CCNH: variants seen among roughly 807,000 people sequenced by gnomAD.
CCNH encodes cyclin H, also known as cyclin-H.
In CCNH, 31 loss-of-function variants were observed where a neutral mutation model predicts 41.9. That is an observed-to-expected ratio of 0.74 (90% CI 0.56 to 1.00). The LOEUF (loss-of-function observed/expected upper bound fraction) is 1.00, where lower values mean the gene tolerates loss of function less well. Among genes scored for constraint, CCNH ranks in the 50% least tolerant of loss-of-function variants. The pLI, the probability that CCNH is intolerant of heterozygous loss-of-function variation, is 0.00. For synonymous variants in CCNH, 138 were observed against 136.1 expected, an observed-to-expected ratio of 1.01 and a Z score of -0.10; for missense variants, 362 against 388.4, an observed-to-expected ratio of 0.93 and a Z score of 0.57.
intron 9 of CCNH, among the ~76,000 whole-genome samples, chr5:87,384,148 C>G (rs373717985): frequency 6.6e-6 from 1 of 152,118 alleles, no homozygotes; most frequent in African/African-American, 2.4e-5. Context: ...GCTAGATCTT[C>G]AAGATCAAAT....
chr5:87,389,161 A>T, downstream of CCNH: 2 of 426,090 alleles, frequency 4.7e-6, no homozygotes. Context: ...ACAGAGAAAG[A>T]TTTGTATTTG....
At chr5:87,346,630 A>T in intron 9 of CCNH, 1 of 1,328,292 alleles carries the variant, frequency 7.5e-7, no homozygotes, top group South Asian at 1.2e-5. Context: ...GATAACAGCA[A>T]AAAGGACTTT....
downstream of CCNH, chr5:87,386,812 AT>A: frequency 6.2e-7 from 1 of 1,609,318 alleles, no homozygotes; most frequent in Non-Finnish European, 8.5e-7. Context: ...TAACAGAAGC[AT>A]TTTATTTTTC....
At position 87,395,068 on chromosome 5, in the gene CCNH, G is replaced by T; in HGVS notation, c.909C>A (p.Val303=). ...KRKGYEDDDY[V]SKKSKHEEEE... ...CCTCCTCATGTTTGGATTTCTTTGA[G>T]ACGTAATCATCATCTTCATAGCCTT... is the stretch of plus-strand genomic sequence containing the variant. Residue 303 remains valine (V), a synonymous_variant, in exon 8 of 9, where the codon GTC becomes GTA. Transcript: ENST00000256897. 1 of 1,611,568 alleles carries T rather than the reference G, an allele frequency of 6.2e-7. No homozygotes were observed. Among genetic ancestry groups the T allele is most frequent in the Admixed American group, 1.7e-5 (1 of 59,988 alleles).
chr5:87,352,363 T>G (rs1351685183), intron 9 of CCNH, among the ~76,000 whole-genome samples: 1 of 151,596 alleles, frequency 6.6e-6, no homozygotes, highest in Non-Finnish European at 1.5e-5. Flanking sequence ...ACAAAATCTG[T>G]CTGGAGAAGT....
Position 87,358,138 on chromosome 5 carries a change from C to A in CCNH, c.*90+34632G>T, listed in dbSNP as rs560520245. On this transcript the variant is annotated intron_variant and NMD_transcript_variant, in intron 9 of 9. Transcript: ENST00000645953. ...TTCCAATGAGGTGACCCTGTGTACC[C>A]ACACTCAGGCTAAGATGCTGGCAAA... is the stretch of plus-strand genomic sequence containing the variant. Among the ~76,000 whole-genome samples the A allele has an allele frequency of 2.6e-5, 4 of 152,196 alleles. No individual in the cohort carries two copies. The Middle Eastern group carries it at 0.01, about 388-fold the overall frequency.
downstream of CCNH, among the ~76,000 whole-genome samples, chr5:87,314,215 A>G (rs1037720977): frequency 3.3e-5 from 5 of 152,144 alleles, no homozygotes; most frequent in African/African-American, 7.2e-5. Context: ...AAGAAAGTGC[A>G]TGTTTGGTTT....
chr5:87,325,175 G>T (rs1313042756), intron 9 of CCNH, among the ~76,000 whole-genome samples: 6 of 152,058 alleles, frequency 3.9e-5, no homozygotes, highest in African/African-American at 1.4e-4. Flanking sequence ...GCAAAAGGGG[G>T]AAAAGCCCCT....
chr5:87,328,033 T>A (rs1757358202), intron 9 of CCNH, among the ~76,000 whole-genome samples: 1 of 152,176 alleles, frequency 6.6e-6, no homozygotes, highest in Non-Finnish European at 1.5e-5. Context: ...TTTGTTTTGT[T>A]TTTTACATTG....
At chr5:87,319,314 G>C (rs376760008) in intron 9 of CCNH, among the ~76,000 whole-genome samples, 51 of 152,354 alleles carry the variant, frequency 3.3e-4, no homozygotes, top group South Asian at 8.3e-4. Context: ...GAGACTCTCT[G>C]TGAGGGTTCC....
At chr5:87,335,419 G>GTTTTTTTTTTTT (rs34986349) in intron 9 of CCNH, among the ~76,000 whole-genome samples, 5 of 72,926 alleles carry the variant, frequency 6.9e-5, no homozygotes, top group Non-Finnish European at 9.7e-5. Context: ...AAAGAATGAG[G>GTTTTTTTTTTTT]TTTTTTTTTT....
intron 9 of CCNH, among the ~76,000 whole-genome samples, chr5:87,364,346 T>G (rs777227391): frequency 2.0e-5 from 3 of 152,172 alleles, no homozygotes; most frequent in African/African-American, 7.2e-5. Flanking sequence ...GTGTTACTTG[T>G]GATTTTGACA....
At chr5:87,363,294 T>G in intron 9 of CCNH, 1 of 1,424,310 alleles carries the variant, frequency 7.0e-7, no homozygotes, top group South Asian at 1.2e-5. Flanking sequence ...TTTAATAATA[T>G]GTAGGATTTC....
At chr5:87,332,491 T>G (rs1232872709) in intron 9 of CCNH, 1 of 1,600,166 alleles carries the variant, frequency 6.2e-7, no homozygotes, top group Non-Finnish European at 8.6e-7. Context: ...TACTGTATTT[T>G]TTCCTGTTCA....
intron 9 of CCNH, among the ~76,000 whole-genome samples, chr5:87,346,475 G>C (rs1758868093): frequency 6.6e-6 from 1 of 151,690 alleles, no homozygotes; most frequent in Non-Finnish European, 1.5e-5. Flanking sequence ...ATAGTTTCTA[G>C]TTTTACTATC....
At chr5:87,311,895 A>G in the CCNH span, among the ~76,000 whole-genome samples, 1 of 152,228 alleles carries the variant, frequency 6.6e-6, no homozygotes, top group African/African-American at 2.4e-5. Flanking sequence ...TAAGCAGGAT[A>G]TTTCAAGGGC....
Position 87,412,661 on chromosome 5 carries a change from C to G in CCNH, c.117+17G>C. On this transcript the variant is annotated intron_variant, in intron 1 of 8. Transcript: ENST00000256897. The stretch of plus-strand genomic sequence containing the variant: ...TTTAGTGACCGGGCAACTGGGCAAC[C>G]GTTGGGAAAACCTCACCTTCCCGTT... 5 of 1,613,106 alleles carry G rather than the reference C, an allele frequency of 3.1e-6. No homozygotes were observed. The highest frequency in any genetic ancestry group is 4.2e-6 in the Non-Finnish European group (5 of 1,179,392).
downstream of CCNH, among the ~76,000 whole-genome samples, chr5:87,372,792 C>A (rs1261775142): frequency 6.6e-6 from 1 of 151,990 alleles, no homozygotes; most frequent in Admixed American, 6.6e-5. Context: ...TTTTGACATT[C>A]TCAAGGTTTA....
downstream of CCNH, among the ~76,000 whole-genome samples, chr5:87,376,092 G>T (rs1407202643): frequency 6.6e-6 from 1 of 152,126 alleles, no homozygotes; most frequent in Non-Finnish European, 1.5e-5. Context: ...ATTCACCACT[G>T]TTAACAGCAC....
Sources: allele counts gnomAD v4.1 joint callset (sites outside exome capture counted in the v4.1 genomes callset), GRCh38; gene constraint gnomAD v4.1.1; transcripts MANE v1.5; gene names NCBI Gene and HGNC (gene_info 2026-07-23, HGNC 2026-07-21).